Variants in RTL9 observed in about 807,000 individuals in gnomAD.
The protein encoded by RTL9 is retrotransposon Gag-like protein 9.
Under a neutral mutation model 44.7 loss-of-function variants are expected in RTL9, and 19 were observed. That is an observed-to-expected ratio of 0.42 (90% CI 0.30 to 0.62). RTL9 has a LOEUF of 0.62. RTL9 is among the 20% of genes least tolerant of loss of function. The pLI is 0.16. For missense variants in RTL9, 1,105 were observed against 1,080.6 expected (o/e 1.02, Z -0.32); for synonymous variants, 407 against 398.9 (o/e 1.02, Z -0.24).
upstream of RTL9, among the ~76,000 whole-genome samples, chrX:110,450,021 T>G (rs1270128414): frequency 8.9e-6 from 1 of 111,970 alleles, no homozygotes; most frequent in African/African-American, 3.3e-5. Context: ...TTTCAGTTCA[T>G]GGAATGTTGC....
At chrX:110,365,265 T>C (rs1482169402) in intron 1 of RTL9, among the ~76,000 whole-genome samples, 1 of 111,896 alleles carries the variant, frequency 8.9e-6, no homozygotes, top group Non-Finnish European at 1.9e-5. Flanking sequence ...GTCAGGAGCC[T>C]GCATTTTAAA....
chrX:110,386,047 T>C (rs1378346228), intron 1 of RTL9, among the ~76,000 whole-genome samples: 1 of 112,255 alleles, frequency 8.9e-6, no homozygotes, highest in African/African-American at 3.2e-5. Context: ...ACATTTTGGA[T>C]TGTTTCTATC....
intron 1 of RTL9, among the ~76,000 whole-genome samples, chrX:110,413,339 C>T (rs1411091674): frequency 9.0e-6 from 1 of 111,438 alleles, no homozygotes; most frequent in East Asian, 2.8e-4. Context: ...GGACACTGTC[C>T]ACACTCCCAC....
At chrX:110,429,324 A>G (rs2068777620) in intron 1 of RTL9, among the ~76,000 whole-genome samples, 1 of 111,002 alleles carries the variant, frequency 9.0e-6, no homozygotes. Context: ...ATACAACTCC[A>G]GTCACTGAGT....
At chrX:110,451,340 A>G (rs2068939162) in exon 1 of RTL9, 1 of 1,210,440 alleles carries the variant, frequency 8.3e-7, no homozygotes, top group Admixed American at 2.2e-5. Context: ...ACACCGAAGC[A>G]ATGTCCAAAG....
At chrX:110,454,092 C>T (rs749133788) in exon 1 of RTL9, 18 of 1,210,237 alleles carry the variant, frequency 1.5e-5, no homozygotes, top group East Asian at 1.2e-4. Context: ...GGAAGCAGCC[C>T]GGGGCTCATG....
intron 1 of RTL9, among the ~76,000 whole-genome samples, chrX:110,412,449 C>G (rs1018761660): frequency 4.5e-5 from 5 of 112,165 alleles, no homozygotes; most frequent in African/African-American, 1.6e-4. Flanking sequence ...GAGTTTGAGC[C>G]TTGGTTAGAC....
chrX:110,431,632 T>C (rs2148331713), intron 1 of RTL9, among the ~76,000 whole-genome samples: 1 of 111,611 alleles, frequency 9.0e-6, no homozygotes, highest in East Asian at 2.8e-4. Context: ...CTTGGTATCC[T>C]GGTGTGAAGA....
intron 1 of RTL9, among the ~76,000 whole-genome samples, chrX:110,437,229 G>A (rs1343229078): frequency 1.8e-5 from 2 of 112,003 alleles, no homozygotes; most frequent in East Asian, 2.8e-4. Flanking sequence ...CTGCAGTTGT[G>A]AGACTTGCAC....
At chrX:110,415,403 G>C (rs959641366), upstream of RTL9, among the ~76,000 whole-genome samples, 5 of 112,219 alleles carry the variant, frequency 4.5e-5, no homozygotes, top group African/African-American at 1.6e-4. Flanking sequence ...AGTTGTGTTA[G>C]AGTGGTGAGT....
chrX:110,445,705 C>T (rs1158299660), upstream of RTL9, among the ~76,000 whole-genome samples: 3 of 112,131 alleles, frequency 2.7e-5, no homozygotes, highest in Non-Finnish European at 5.6e-5. Flanking sequence ...ATTGAACCGT[C>T]TCTTGTTTAT....
At chrX:110,439,788 C>T (rs1413567966) in intron 1 of RTL9, 1 of 110,482 alleles carries the variant, frequency 9.1e-6, no homozygotes, top group Admixed American at 9.6e-5. Context: ...ACGCCATGGA[C>T]CTGCCCACAC....
chrX:110,453,350 C>A (rs138981856), exon 1 of RTL9: 517 of 1,210,377 alleles, frequency 4.3e-4, no homozygotes, highest in Non-Finnish European at 5.4e-4. Flanking sequence ...GAACTATGTC[C>A]ACACCACTAA....
At chrX:110,421,022 G>T (rs1323550481) in intron 1 of RTL9, among the ~76,000 whole-genome samples, 1 of 111,813 alleles carries the variant, frequency 8.9e-6, no homozygotes, top group Non-Finnish European at 1.9e-5. Flanking sequence ...TTAGGATTAT[G>T]TCATTGATAT....
chrX:110,372,737 C>T (rs1164326431), intron 1 of RTL9, among the ~76,000 whole-genome samples: 1 of 111,434 alleles, frequency 9.0e-6, no homozygotes, highest in African/African-American at 3.3e-5. Flanking sequence ...TGGCTGAGCT[C>T]CAGAAGCAAG....
At chrX:110,451,250 G>C (rs868424110) in exon 1 of RTL9, 1 of 1,211,431 alleles carries the variant, frequency 8.3e-7, no homozygotes, top group Non-Finnish European at 1.1e-6. Context: ...TGCAAGATAT[G>C]AATCCTGGAG....
At chrX:110,454,166 A>T (rs927935099) in exon 1 of RTL9, 19 of 1,212,189 alleles carry the variant, frequency 1.6e-5, no homozygotes, top group Non-Finnish European at 2.1e-5. Context: ...TGGACGATTC[A>T]GAGAGAATGG....
intron 1 of RTL9, 144 bp from the exon 4 acceptor site, chrX:110,455,058 G>A: frequency 1.3e-6 from 1 of 768,942 alleles, no homozygotes; most frequent in Non-Finnish European, 1.9e-6. Flanking sequence ...AATTAGAATA[G>A]CCTACTCCTT....
intron 1 of RTL9, among the ~76,000 whole-genome samples, chrX:110,363,574 C>T (rs1480190818): frequency 9.0e-6 from 1 of 111,707 alleles, no homozygotes; most frequent in Non-Finnish European, 1.9e-5. Flanking sequence ...GATATTGTGA[C>T]ATGTACAAAC....
Sources: gnomAD v4.1 joint callset for allele counts (sites outside exome capture counted in the v4.1 genomes callset) on GRCh38, gnomAD v4.1.1 for gene constraint, MANE v1.5 for transcripts, NCBI Gene and HGNC (gene_info 2026-07-23, HGNC 2026-07-21) for gene names.